The following PDE7B variants were observed in gnomAD, a reference collection of about 807,000 sequenced individuals.
PDE7B encodes 3',5'-cyclic-AMP phosphodiesterase 7B.
A neutral mutation model predicts 56.2 loss-of-function variants in PDE7B; 29 were observed. That is an observed-to-expected ratio of 0.52 (90% CI 0.38 to 0.70). PDE7B has a LOEUF of 0.70. PDE7B is among the 30% of genes least tolerant of loss of function. The probability of loss-of-function intolerance (pLI) is 0.00; values close to 1 mark genes in which losing one functional copy is unlikely to be tolerated. For missense variants in PDE7B, 490 were observed against 565.0 expected, an observed-to-expected ratio of 0.87 and a Z score of 1.35; for synonymous variants, 197 against 196.9, an observed-to-expected ratio of 1.00 and a Z score of 0.00.
At chr6:136,002,669 C>T (rs1257581812) in intron 2 of PDE7B, among the ~76,000 whole-genome samples, 1 of 152,172 alleles carries the variant, frequency 6.6e-6, no homozygotes, top group Non-Finnish European at 1.5e-5. Context: ...AATATATATG[C>T]ACCCAATACA....
chr6:135,945,377 T>C (rs1164811542), intron 1 of PDE7B, among the ~76,000 whole-genome samples: 1 of 152,182 alleles, frequency 6.6e-6, no homozygotes, highest in Non-Finnish European at 1.5e-5. Context: ...AACTCAATGC[T>C]CTTTTGCACC....
In PDE7B at chr6:136,192,206, G is replaced by A. The variant is rs1779242143; in HGVS notation, c.*366G>A. 1.2e-5 allele frequency: 3 copies of A among 258,594 alleles called. No individual in the cohort carries two copies. The highest frequency in any genetic ancestry group is 2.3e-5 in the Non-Finnish European group (3 of 132,006). The allele number at this position is 258,594 out of a possible 1,614,324, so 16.0% of individuals were successfully genotyped here. ...CAATTCCTAAGTCCGGAGCGTTTGA[G>A]CGTTTGCTATCTGACTGCTGATCTG... On this transcript the variant is annotated 3_prime_UTR_variant, in exon 13 of 13. Coordinates refer to ENST00000308191, the MANE Select transcript of PDE7B (RefSeq NM_018945.4).
At chr6:136,018,032 G>A (rs1490426669) in intron 2 of PDE7B, among the ~76,000 whole-genome samples, 1 of 152,154 alleles carries the variant, frequency 6.6e-6, no homozygotes, top group Non-Finnish European at 1.5e-5. Flanking sequence ...TAGTGGATAA[G>A]GTAGCCAGGG....
At chr6:136,048,383 G>A (rs572193413) in intron 2 of PDE7B, among the ~76,000 whole-genome samples, 18 of 152,198 alleles carry the variant, frequency 1.2e-4, no homozygotes, top group South Asian at 6.2e-4. Context: ...AATTAGAGGC[G>A]TGGTGGTGGG....
Position 135,913,575 on chromosome 6 carries a change from C to G in PDE7B, c.22-33889C>G, listed in dbSNP as rs181450853. On this transcript the variant is annotated intron_variant, in intron 1 of 12. Transcript: ENST00000308191. ...AACATCCTACCAATGCCTGTCCCAC[C>G]TTTTAGTAGGTACCTTGATTCAAAA... Among the ~76,000 whole-genome samples, 1,460 of 152,210 alleles carry G rather than the reference C, an allele frequency of 9.6e-3. 8 individuals carry two copies. The highest frequency in any genetic ancestry group is 0.016 in the Non-Finnish European group (1,084 of 68,024).
At chr6:135,857,199 G>A (rs1583707139) in intron 1 of PDE7B, among the ~76,000 whole-genome samples, 1 of 152,026 alleles carries the variant, frequency 6.6e-6, no homozygotes, top group Non-Finnish European at 1.5e-5. Flanking sequence ...AAAGTTTGGA[G>A]TAATACTTAC....
In PDE7B at chr6:136,101,562, G is replaced by A. The variant is rs574634892; in HGVS notation, c.83-7169G>A. 5.9e-5 allele frequency among the ~76,000 whole-genome samples: 9 copies of A among 152,302 alleles called. No individual in the cohort carries two copies. The South Asian group carries it at 8.3e-4, about 14-fold the overall frequency. ...CTAGTTTATTTGTGTAGAAGTGTTTGTAGTATTCTCCAATGGTAGTTTCTA... is the reference window on the plus strand; with the variant it reads ...CTAGTTTATTTGTGTAGAAGTGTTTATAGTATTCTCCAATGGTAGTTTCTA... On this transcript the variant is annotated intron_variant, in intron 2 of 12. Transcript: ENST00000308191.
chr6:136,040,326 A>C (rs552242677), intron 2 of PDE7B, among the ~76,000 whole-genome samples: 1 of 152,316 alleles, frequency 6.6e-6, no homozygotes, highest in African/African-American at 2.4e-5. Flanking sequence ...CAGGGAGATG[A>C]GGGCTCATCC....
In PDE7B at chr6:135,988,113, T is replaced by C. The variant is rs182342895; in HGVS notation, c.82+40589T>C. On this transcript the variant is annotated intron_variant, in intron 2 of 12. Coordinates refer to ENST00000308191, the MANE Select transcript of PDE7B (RefSeq NM_018945.4). ...AGGAAATAAATTAATTGGGCAATGTTCTAGAAACCATATCATAGAACTAAT... is the reference window on the plus strand; with the variant it reads ...AGGAAATAAATTAATTGGGCAATGTCCTAGAAACCATATCATAGAACTAAT... Among the ~76,000 whole-genome samples the C allele has an allele frequency of 1.4e-3, 215 of 152,314 alleles. 1 individual carries two copies. Among genetic ancestry groups the C allele is most frequent in the Non-Finnish European group, 1.4e-3 (96 of 68,018 alleles).
At chr6:135,996,611 T>C (rs529435299) in intron 2 of PDE7B, among the ~76,000 whole-genome samples, 3 of 152,220 alleles carry the variant, frequency 2.0e-5, no homozygotes, top group Admixed American at 6.5e-5. Context: ...TCTAGCTTTG[T>C]TGCTGAGAGA....
At position 135,933,236 on chromosome 6, in the gene PDE7B, T is replaced by C. The variant is rs551301225; in HGVS notation, c.22-14228T>C. 7.9e-4 allele frequency among the ~76,000 whole-genome samples: 121 copies of C among 152,370 alleles called. 1 individual carries two copies. The highest frequency in any genetic ancestry group is 2.8e-3 in the African/African-American group (118 of 41,590). Reference sequence around the variant, plus strand: ...GTAACATATGTCATATGTATCTGTGTATAAATATGCATGTATACATATATA... The same window carrying C: ...GTAACATATGTCATATGTATCTGTGCATAAATATGCATGTATACATATATA... On this transcript the variant is annotated intron_variant, in intron 1 of 12. Coordinates refer to ENST00000308191, the MANE Select transcript of PDE7B (RefSeq NM_018945.4).
intron 2 of PDE7B, among the ~76,000 whole-genome samples, chr6:136,101,576 T>C (rs1777563307): frequency 1.3e-5 from 2 of 152,242 alleles, no homozygotes; most frequent in Non-Finnish European, 2.9e-5. Flanking sequence ...TATTCTCCAA[T>C]GGTAGTTTCT....
chr6:136,180,472 T>C (rs1353593554), intron 10 of PDE7B, among the ~76,000 whole-genome samples: 2 of 152,178 alleles, frequency 1.3e-5, no homozygotes, highest in African/African-American at 4.8e-5. Context: ...TATAAACAAC[T>C]AAATTTGCAA....
chr6:135,992,874 C>G (rs1045577369), intron 2 of PDE7B, among the ~76,000 whole-genome samples: 2 of 152,204 alleles, frequency 1.3e-5, no homozygotes, highest in African/African-American at 2.4e-5. Flanking sequence ...AAAGTGCTTT[C>G]AAGTACACAA....
intron 2 of PDE7B, among the ~76,000 whole-genome samples, chr6:136,065,621 C>CA (rs995506931): frequency 1.1e-4 from 16 of 152,080 alleles, no homozygotes; most frequent in African/African-American, 3.9e-4. Context: ...TGTTGCTTTC[C>CA]AAAAAAACCA....
chr6:136,014,609 TGACATAGGTGGCA>T (rs1241337000), intron 2 of PDE7B, among the ~76,000 whole-genome samples: 2 of 152,284 alleles, frequency 1.3e-5, no homozygotes, highest in African/African-American at 4.8e-5. Context: ...CTCTATGACA[TGACATAGGTGGCA>T]GTATTATTAT....
intron 2 of PDE7B, among the ~76,000 whole-genome samples, chr6:136,101,818 G>A (rs1777567900): frequency 6.6e-6 from 1 of 152,090 alleles, no homozygotes; most frequent in African/African-American, 2.4e-5. Context: ...CCCGAGCTGT[G>A]GTCCACAGCA....
At chr6:135,867,579 C>G (rs1477067944) in intron 1 of PDE7B, among the ~76,000 whole-genome samples, 2 of 152,136 alleles carry the variant, frequency 1.3e-5, no homozygotes, top group Non-Finnish European at 2.9e-5. Flanking sequence ...CCTCTCCTTC[C>G]TCCCACCCTC....
intron 8 of PDE7B, among the ~76,000 whole-genome samples, chr6:136,161,677 T>A (rs1188375605): frequency 6.6e-6 from 1 of 152,214 alleles, no homozygotes; most frequent in Non-Finnish European, 1.5e-5. Context: ...CTACACAAGA[T>A]CCTAAATCTG....
Sources: gnomAD v4.1 joint callset for allele counts (sites outside exome capture counted in the v4.1 genomes callset) on GRCh38, gnomAD v4.1.1 for gene constraint, MANE v1.5 for transcripts, NCBI Gene and HGNC (gene_info 2026-07-23, HGNC 2026-07-21) for gene names.